PPP3R1: variants seen among roughly 807,000 people sequenced by gnomAD.
PPP3R1 encodes protein phosphatase 3 regulatory subunit B, alpha, also known as calcineurin subunit B type 1.
PPP3R1 carries 5 observed loss-of-function variants against 22.6 expected under a neutral mutation model. The observed-to-expected ratio is 0.22, with a 90% CI of 0.12 to 0.46. The LOEUF is 0.46. Among genes scored for constraint, PPP3R1 ranks in the 20% least tolerant of loss-of-function variants. The pLI is 0.99. For missense variants in PPP3R1, 61 were observed against 203.2 expected (o/e 0.30, Z 4.25); for synonymous variants, 56 against 65.2 (o/e 0.86, Z 0.68).
intron 1 of PPP3R1, among the ~76,000 whole-genome samples, chr2:68,249,297 A>G (rs1670292661): frequency 7.0e-6 from 1 of 143,860 alleles, no homozygotes; most frequent in African/African-American, 2.7e-5. Context: ...GTCATAAGAC[A>G]GGTTTTTTTT....
At chr2:68,213,708 G>A (rs939227364) in intron 2 of PPP3R1, among the ~76,000 whole-genome samples, 12 of 152,090 alleles carry the variant, frequency 7.9e-5, no homozygotes, top group Admixed American at 6.6e-5. Context: ...ATCTGCAAAA[G>A]TACAATAAAT....
At chr2:68,251,324 A>G (rs1172138709) in intron 1 of PPP3R1, among the ~76,000 whole-genome samples, 1 of 152,194 alleles carries the variant, frequency 6.6e-6, no homozygotes, top group Non-Finnish European at 1.5e-5. Context: ...TAAAATCGCC[A>G]TGATTCAAAA....
chr2:68,198,059 T>A (rs1440906520), intron 2 of PPP3R1, among the ~76,000 whole-genome samples: 6 of 54,964 alleles, frequency 1.1e-4, no homozygotes, highest in Non-Finnish European at 1.8e-4. Context: ...ACGGCACCTT[T>A]GGCAAAAAAA....
Position 68,179,108 on chromosome 2 carries a change from TAGAA to T in PPP3R1, c.*1851_*1854del, listed in dbSNP as rs1054312642. The T allele has an allele frequency of 4.6e-5, 7 of 150,666 alleles. No homozygotes were observed. Among genetic ancestry groups the T allele is most frequent in the East Asian group, 2.0e-4 (1 of 5,112 alleles). The allele number at this position is 150,666 out of a possible 1,614,324, so 9.3% of individuals were successfully genotyped here. On this transcript the variant is annotated 3_prime_UTR_variant, in exon 6 of 6. Coordinates refer to ENST00000234310, the MANE Select transcript of PPP3R1 (RefSeq NM_000945.4). ...CCAAGATATGCACAAGCAAGAGAAA[TAGAA>T]AGCATTTGCTAAAATATTTGTAACA...
Sources: allele counts gnomAD v4.1 joint callset (sites outside exome capture counted in the v4.1 genomes callset), GRCh38; gene constraint gnomAD v4.1.1; transcripts MANE v1.5; gene names NCBI Gene and HGNC (gene_info 2026-07-23, HGNC 2026-07-21).